The following NAALADL2 variants were observed in gnomAD, a reference collection of about 807,000 sequenced individuals.
NAALADL2 encodes the protein inactive N-acetylated-alpha-linked acidic dipeptidase-like protein 2.
NAALADL2 carries 76 observed loss-of-function variants against 87.2 expected under a neutral mutation model. The observed-to-expected ratio is 0.87, with a 90% CI of 0.72 to 1.05. NAALADL2 has a LOEUF of 1.05. Ranked by LOEUF, NAALADL2 falls within the 50% of genes least tolerant of loss-of-function variation. The probability of loss-of-function intolerance (pLI) is 0.00; values close to 1 mark genes in which losing one functional copy is unlikely to be tolerated. For missense variants in NAALADL2, 1,089 were observed against 945.8 expected, an observed-to-expected ratio of 1.15 and a Z score of -1.99; for synonymous variants, 354 against 331.0, an observed-to-expected ratio of 1.07 and a Z score of -0.75.
At chr3:174,929,097 G>A (rs1445479967) in intron 1 of NAALADL2, among the ~76,000 whole-genome samples, 2 of 152,128 alleles carry the variant, frequency 1.3e-5, no homozygotes, top group African/African-American at 4.8e-5. Context: ...AAAAATAAAG[G>A]AGCCAGTGAT....
At chr3:174,958,884 T>C (rs1437274062) in intron 1 of NAALADL2, among the ~76,000 whole-genome samples, 1 of 152,044 alleles carries the variant, frequency 6.6e-6, no homozygotes, top group African/African-American at 2.4e-5. Flanking sequence ...TTATATTAGG[T>C]TTGTTTTATG....
intron 2 of NAALADL2, among the ~76,000 whole-genome samples, chr3:175,232,846 A>G (rs1461095847): frequency 6.6e-6 from 1 of 152,086 alleles, no homozygotes; most frequent in Non-Finnish European, 1.5e-5. Context: ...TTTTGCCCCA[A>G]AAGGAAATTT....
At chr3:175,447,159 G>A (rs1299217429) in intron 5 of NAALADL2, 70 bp from the exon 6 acceptor site, 1 of 979,436 alleles carries the variant, frequency 1.0e-6, no homozygotes, top group Non-Finnish European at 1.5e-6. Context: ...ACTTATTACA[G>A]ATAACTTTTC....
intron 1 of NAALADL2, among the ~76,000 whole-genome samples, chr3:175,076,813 C>G (rs753281887): frequency 8.5e-5 from 13 of 152,260 alleles, no homozygotes; most frequent in Admixed American, 4.6e-4. Flanking sequence ...AGCATACACT[C>G]TCAAATGCAA....
intron 2 of NAALADL2, among the ~76,000 whole-genome samples, chr3:174,656,174 C>G (rs1724903582): frequency 6.6e-6 from 1 of 152,142 alleles, no homozygotes; most frequent in South Asian, 2.1e-4. Context: ...GGAAGAACTA[C>G]AGCAAACAAT....
chr3:175,061,245 G>T (rs1380434139), intron 1 of NAALADL2, among the ~76,000 whole-genome samples: 1 of 152,140 alleles, frequency 6.6e-6, no homozygotes, highest in East Asian at 1.9e-4. Context: ...ATTGGAATTA[G>T]TTCATGTGCA....
chr3:175,758,021 G>A (rs749039156), intron 13 of NAALADL2, among the ~76,000 whole-genome samples: 2 of 151,878 alleles, frequency 1.3e-5, no homozygotes, highest in Admixed American at 6.6e-5. Context: ...CACTGGATAC[G>A]GAAGACCCCT....
chr3:174,540,004 A>G (rs560056995), intron 1 of NAALADL2, among the ~76,000 whole-genome samples: 2 of 144,532 alleles, frequency 1.4e-5, no homozygotes, highest in South Asian at 4.3e-4. Flanking sequence ...AAAAAAAAAA[A>G]AAAGCTGCCT....
chr3:174,882,524 T>TGTGCATACACACATATGTGCACAC (rs1729357827), intron 1 of NAALADL2, among the ~76,000 whole-genome samples: 1 of 149,130 alleles, frequency 6.7e-6, no homozygotes, highest in African/African-American at 2.5e-5. Context: ...TATGTGCATA[T>TGTGCATACACACATATGTGCACAC]ACACATATAT....
At chr3:175,785,380 G>T (rs1230564214) in intron 13 of NAALADL2, among the ~76,000 whole-genome samples, 2,672 of 140,048 alleles carry the variant, frequency 0.019, 54 homozygotes, top group African/African-American at 0.075. Context: ...TTATGAATCT[G>T]GGTGCTCCTG....
rs190249826 is a variant in NAALADL2 at position 174,561,118 on chromosome 3, A to G, written c.-115+10481A>G. ...GTAAGCGGTAAATTTATAACCCAAGAGCAGGGTGATCAGTGGATGGAAAAT... is the reference window on the plus strand; with the variant it reads ...GTAAGCGGTAAATTTATAACCCAAGGGCAGGGTGATCAGTGGATGGAAAAT... On this transcript the variant is annotated intron_variant, in intron 2 of 3. Coordinates refer to the NAALADL2 transcript ENST00000434257. Among the ~76,000 whole-genome samples, 82 of 152,152 alleles carry G rather than the reference A, an allele frequency of 5.4e-4. 1 individual carries two copies. The highest frequency in any genetic ancestry group is 3.5e-4 in the Non-Finnish European group (24 of 68,006).
intron 6 of NAALADL2, among the ~76,000 whole-genome samples, chr3:175,448,408 A>C (rs1382663601): frequency 6.6e-6 from 1 of 152,190 alleles, no homozygotes; most frequent in East Asian, 1.9e-4. Context: ...AAAATATGTA[A>C]ACCAAAATAA....
intron 11 of NAALADL2, among the ~76,000 whole-genome samples, chr3:175,719,292 A>G (rs1406265757): frequency 1.3e-5 from 2 of 152,096 alleles, no homozygotes; most frequent in Non-Finnish European, 2.9e-5. Context: ...TACTGGTCCA[A>G]TATGTTGCTA....
At chr3:174,960,003 C>G (rs1741742328) in intron 1 of NAALADL2, among the ~76,000 whole-genome samples, 1 of 151,982 alleles carries the variant, frequency 6.6e-6, no homozygotes. Flanking sequence ...TGGCAATAGA[C>G]TTTAGGTCTG....
intron 2 of NAALADL2, among the ~76,000 whole-genome samples, chr3:174,712,605 C>G (rs1730761880): frequency 6.6e-6 from 1 of 151,720 alleles, no homozygotes; most frequent in African/African-American, 2.4e-5. Flanking sequence ...CCAGGATGGT[C>G]TCGATCTCCT....
chr3:174,652,572 A>G (rs1347535070), intron 2 of NAALADL2, among the ~76,000 whole-genome samples: 1 of 148,728 alleles, frequency 6.7e-6, no homozygotes, highest in Non-Finnish European at 1.5e-5. Context: ...GATCTCGTGA[A>G]ACTTATTCAC....
chr3:174,824,167 T>C (rs892300823), intron 3 of NAALADL2, among the ~76,000 whole-genome samples: 1 of 152,190 alleles, frequency 6.6e-6, no homozygotes, highest in Non-Finnish European at 1.5e-5. Context: ...TAATTTTATT[T>C]AATTATGTGT....
intron 9 of NAALADL2, among the ~76,000 whole-genome samples, chr3:175,562,134 T>A (rs551146873): frequency 6.6e-6 from 1 of 152,286 alleles, no homozygotes; most frequent in East Asian, 1.9e-4. Context: ...CAAGGTAAAT[T>A]TTGAAATCTG....
intron 13 of NAALADL2, among the ~76,000 whole-genome samples, chr3:175,785,023 A>T (rs1220361578): frequency 6.6e-6 from 1 of 150,560 alleles, no homozygotes; most frequent in Non-Finnish European, 1.5e-5. Context: ...TTTGAGTGAG[A>T]TTCTTAATCC....
Sources: gnomAD v4.1 joint callset for allele counts (sites outside exome capture counted in the v4.1 genomes callset) on GRCh38, gnomAD v4.1.1 for gene constraint, MANE v1.5 for transcripts, NCBI Gene and HGNC (gene_info 2026-07-23, HGNC 2026-07-21) for gene names.